The following SEMA6D variants were observed in gnomAD, a reference collection of about 807,000 sequenced individuals.
SEMA6D encodes the protein semaphorin-6D.
In SEMA6D, 35 loss-of-function variants were observed where a neutral mutation model predicts 106.6. That is an observed-to-expected ratio of 0.33 (90% CI 0.25 to 0.44). The LOEUF (loss-of-function observed/expected upper bound fraction) is 0.44. Ranked by LOEUF, SEMA6D falls within the 20% of genes least tolerant of loss-of-function variation. The pLI is 1.00. For missense variants in SEMA6D, 1,185 were observed against 1,345.9 expected (o/e 0.88, Z 1.87); for synonymous variants, 499 against 487.7 (o/e 1.02, Z -0.31).
intron 1 of SEMA6D, among the ~76,000 whole-genome samples, chr15:47,239,130 T>C (rs978003960): frequency 2.0e-5 from 3 of 152,110 alleles, no homozygotes; most frequent in Admixed American, 6.5e-5. Flanking sequence ...AGATGTGGCA[T>C]TGGAGTCTCA....
chr15:47,212,922 C>A (rs2030181530), intron 1 of SEMA6D, among the ~76,000 whole-genome samples: 1 of 152,082 alleles, frequency 6.6e-6, no homozygotes, highest in African/African-American at 2.4e-5. Flanking sequence ...GAGTGCCTGG[C>A]AGATAACACA....
chr15:47,536,947 T>G (rs1213665903), intron 3 of SEMA6D, among the ~76,000 whole-genome samples: 3 of 152,192 alleles, frequency 2.0e-5, no homozygotes, highest in African/African-American at 7.2e-5. Flanking sequence ...TACACTTAGA[T>G]AACAATGCAT....
At chr15:47,761,078 T>G (rs779760382) in intron 4 of SEMA6D, 40 bp downstream of exon 4, 1 of 1,611,874 alleles carries the variant, frequency 6.2e-7, no homozygotes, top group Non-Finnish European at 8.5e-7. Context: ...ACCTTCCCTC[T>G]GAACCTGATT....
intron 1 of SEMA6D, among the ~76,000 whole-genome samples, chr15:47,207,120 A>G (rs191290170): frequency 1.7e-3 from 263 of 152,310 alleles, no homozygotes; most frequent in African/African-American, 5.9e-3. Flanking sequence ...GAATGGCTCA[A>G]TTCACTTGAG....
chr15:47,446,978 C>T (rs1047771741), intron 2 of SEMA6D, among the ~76,000 whole-genome samples: 1 of 152,128 alleles, frequency 6.6e-6, no homozygotes, highest in Admixed American at 6.6e-5. Context: ...GAAATCACGA[C>T]ATGACACATA....
intron 4 of SEMA6D, among the ~76,000 whole-genome samples, chr15:47,706,531 T>A (rs919103269): frequency 9.9e-5 from 15 of 152,156 alleles, no homozygotes; most frequent in African/African-American, 2.9e-4. Context: ...TAATGACAAA[T>A]CATAAAACAA....
In SEMA6D at chr15:47,288,013, G is replaced by T. The variant is rs75147291; in HGVS notation, c.-239+103595G>T. ...AAAGAGAGAGACAGAGAGAGAGAGT[G>T]CAGCGGGGTGGGGGCACACACTTTA... On this transcript the variant is annotated intron_variant, in intron 1 of 19. Coordinates refer to the SEMA6D transcript ENST00000558014. Among the ~76,000 whole-genome samples the T allele has an allele frequency of 2.0e-3, 305 of 152,250 alleles. 9 individuals are homozygous for T. The East Asian group carries it at 0.056, about 28-fold the overall frequency.
At chr15:47,236,727 AG>A (rs988935784) in intron 1 of SEMA6D, among the ~76,000 whole-genome samples, 2 of 152,168 alleles carry the variant, frequency 1.3e-5, no homozygotes, top group African/African-American at 4.8e-5. Flanking sequence ...TTTCTATAAA[AG>A]GGAATAAGAA....
At chr15:47,727,918 A>G (rs779278882) in intron 1 of SEMA6D, among the ~76,000 whole-genome samples, 5 of 152,238 alleles carry the variant, frequency 3.3e-5, no homozygotes, top group African/African-American at 9.6e-5. Context: ...GACTAGATGC[A>G]TTAGAGAGAG....
At chr15:47,260,659 A>G (rs1252645319) in intron 1 of SEMA6D, among the ~76,000 whole-genome samples, 1 of 152,160 alleles carries the variant, frequency 6.6e-6, no homozygotes, top group African/African-American at 2.4e-5. Flanking sequence ...CCATGGGGCA[A>G]AAGAGGCTAC....
chr15:47,395,885 T>G (rs569962616), intron 1 of SEMA6D, among the ~76,000 whole-genome samples: 2 of 152,334 alleles, frequency 1.3e-5, no homozygotes, highest in East Asian at 3.9e-4. Context: ...TGTTGTAGAT[T>G]GCATGTTTGC....
chr15:47,495,751 T>C (rs930421103), intron 3 of SEMA6D, among the ~76,000 whole-genome samples: 2 of 151,988 alleles, frequency 1.3e-5, no homozygotes, highest in African/African-American at 4.8e-5. Flanking sequence ...TCTGAGTAAC[T>C]GAAACAAAAT....
intron 3 of SEMA6D, among the ~76,000 whole-genome samples, chr15:47,595,210 G>C (rs746616734): frequency 6.6e-6 from 1 of 152,146 alleles, no homozygotes; most frequent in Non-Finnish European, 1.5e-5. Flanking sequence ...CTGTAGGGTT[G>C]TTATATATGG....
At chr15:47,715,468 A>AT (rs781716973), upstream of SEMA6D, among the ~76,000 whole-genome samples, 1 of 152,176 alleles carries the variant, frequency 6.6e-6, no homozygotes, top group African/African-American at 2.4e-5. Context: ...TAAAAGTAAT[A>AT]TTTTGGTCTT....
At chr15:47,739,824 A>C (rs2080693350) in intron 1 of SEMA6D, among the ~76,000 whole-genome samples, 1 of 152,232 alleles carries the variant, frequency 6.6e-6, no homozygotes, top group Non-Finnish European at 1.5e-5. Context: ...GGCAGGGGAC[A>C]CAGCAGTGAG....
chr15:47,223,749 A>G (rs773749497), intron 1 of SEMA6D, among the ~76,000 whole-genome samples: 14 of 152,090 alleles, frequency 9.2e-5, no homozygotes, highest in South Asian at 6.2e-4. Flanking sequence ...AAAACTGTAG[A>G]GAACTTGGGA....
intron 4 of SEMA6D, among the ~76,000 whole-genome samples, chr15:47,649,222 G>C (rs575249503): frequency 1.3e-5 from 2 of 152,266 alleles, no homozygotes; most frequent in African/African-American, 4.8e-5. Context: ...CACTTAAATA[G>C]AAGCATTGAG....
chr15:47,202,894 A>G (rs1318207309), intron 1 of SEMA6D, among the ~76,000 whole-genome samples: 1 of 152,150 alleles, frequency 6.6e-6, no homozygotes, highest in Non-Finnish European at 1.5e-5. Flanking sequence ...GTAATGAAGG[A>G]ATTTCTGGGA....
At chr15:47,333,314 G>T (rs2037417887) in intron 1 of SEMA6D, among the ~76,000 whole-genome samples, 1 of 152,064 alleles carries the variant, frequency 6.6e-6, no homozygotes, top group Non-Finnish European at 1.5e-5. Flanking sequence ...ATGTAAAATA[G>T]AATAATTGAT....
Sources: gnomAD v4.1 joint callset for allele counts (sites outside exome capture counted in the v4.1 genomes callset) on GRCh38, gnomAD v4.1.1 for gene constraint, MANE v1.5 for transcripts, NCBI Gene and HGNC (gene_info 2026-07-23, HGNC 2026-07-21) for gene names.